The following GOLGA3 variants were observed in gnomAD, a reference collection of about 807,000 sequenced individuals.
GOLGA3 encodes the protein golgin subfamily A member 3.
GOLGA3 carries 75 observed loss-of-function variants against 169.4 expected under a neutral mutation model. The ratio of observed to expected loss-of-function variants is 0.44; its 90% CI spans 0.37 to 0.54. The LOEUF (loss-of-function observed/expected upper bound fraction) is 0.54. Ranked by LOEUF, GOLGA3 falls within the 20% of genes least tolerant of loss-of-function variation. The probability of loss-of-function intolerance (pLI) is 0.00; values close to 1 mark genes in which losing one functional copy is unlikely to be tolerated. For synonymous variants in GOLGA3, 824 were observed against 822.4 expected (o/e 1.00, Z -0.03); for missense variants, 1,899 against 1,930.0 (o/e 0.98, Z 0.30).
intron 6 of GOLGA3, among the ~76,000 whole-genome samples, 168 bp downstream of exon 6, chr12:132,807,009 T>C (rs527827185): frequency 6.6e-6 from 1 of 152,226 alleles, no homozygotes; most frequent in East Asian, 1.9e-4. Context: ...CAACTCTTTC[T>C]AAGGCTGACA....
At position 132,784,312 on chromosome 12, in the gene GOLGA3, G is replaced by C. The variant is rs1566081523; in HGVS notation, c.3124-5C>G. 6.2e-7 allele frequency: 1 copy of C among 1,602,680 alleles called. No homozygotes were observed. Among genetic ancestry groups the C allele is most frequent in the Non-Finnish European group, 8.5e-7 (1 of 1,177,450 alleles). On this transcript the variant is annotated splice_region_variant and splice_polypyrimidine_tract_variant and intron_variant, in intron 15 of 23. Coordinates refer to ENST00000450791, the MANE Select transcript of GOLGA3 (RefSeq NM_001389683.1). ...CTCCAGGGCCTGGATCCTTTCCTAA[G>C]GGCCAAGATGGAACGGGCGCTTGGT...
Position 132,786,537 on chromosome 12 carries a change from C to T in GOLGA3, c.2925G>A (p.Lys975=), listed in dbSNP as rs747852106. The change falls in exon 15 of 24, where the codon AAG becomes AAA. Residue 975 remains lysine, a synonymous_variant. Transcript: ENST00000450791. Reference sequence around the variant, plus strand: ...CTGAGCCCAGCCGCCTCATCTTCTGCTTCTGTTCCGTGATGGCCCTGGGGT... The same window carrying T: ...CTGAGCCCAGCCGCCTCATCTTCTGTTTCTGTTCCGTGATGGCCCTGGGGT... The part of the protein sequence containing the change: ...QEARKAITEQ[K]QKMRRLGSDL... 1 of 1,613,900 alleles carries T rather than the reference C, an allele frequency of 6.2e-7. No individual in the cohort carries two copies. The highest frequency in any genetic ancestry group is 8.5e-7 in the Non-Finnish European group (1 of 1,179,968).
intron 2 of GOLGA3, among the ~76,000 whole-genome samples, chr12:132,819,739 G>T (rs1950133802): frequency 6.6e-6 from 1 of 151,032 alleles, no homozygotes; most frequent in South Asian, 2.1e-4. Flanking sequence ...TTGCATTTCA[G>T]ATAAAAGTTA....
At chr12:132,821,776 C>T (rs1220028589) in intron 2 of GOLGA3, among the ~76,000 whole-genome samples, 1 of 146,134 alleles carries the variant, frequency 6.8e-6, no homozygotes, top group African/African-American at 2.5e-5. Flanking sequence ...ATGGCATGAA[C>T]CCGGGAGGCG....
intron 23 of GOLGA3, among the ~76,000 whole-genome samples, chr12:132,773,626 C>T (rs1027731355): frequency 4.6e-5 from 7 of 152,294 alleles, no homozygotes; most frequent in African/African-American, 1.7e-4. Flanking sequence ...GCCAGGTGCA[C>T]CATGTGTGGC....
intron 11 of GOLGA3, among the ~76,000 whole-genome samples, chr12:132,793,031 T>C (rs61951352): frequency 2.7e-5 from 2 of 73,516 alleles, no homozygotes; most frequent in Admixed American, 2.8e-4. Flanking sequence ...CTCGGAGGGC[T>C]CCACACAGAC....
intron 2 of GOLGA3, among the ~76,000 whole-genome samples, chr12:132,821,190 T>C (rs1270495151): frequency 1.3e-5 from 2 of 148,982 alleles, no homozygotes; most frequent in East Asian, 4.0e-4. Context: ...GCGGATCACC[T>C]GAGGTTGGGA....
At chr12:132,800,665 AT>A (rs1216274281) in intron 8 of GOLGA3, among the ~76,000 whole-genome samples, 5 of 152,214 alleles carry the variant, frequency 3.3e-5, no homozygotes, top group Non-Finnish European at 5.9e-5. Context: ...TCCACAGCTA[AT>A]TAAAAAATAA....
Position 132,810,889 on chromosome 12 carries a change from T to C in GOLGA3, c.520-2340A>G, listed in dbSNP as rs540214791. ...TGTGCTTCAGTGGTCACACTCCTAG[T>C]CTGCTTTCATGTTCCATCCTGTACA... On this transcript the variant is annotated intron_variant, in intron 4 of 23. Coordinates refer to ENST00000450791, the MANE Select transcript of GOLGA3 (RefSeq NM_001389683.1). Among the ~76,000 whole-genome samples the C allele has an allele frequency of 2.6e-5, 4 of 152,336 alleles. No individual in the cohort carries two copies. The South Asian group carries it at 8.3e-4, about 32-fold the overall frequency.
rs1471539138 is a variant in GOLGA3, at chr12:132,776,942, C to T, written c.3855+16G>A. On this transcript the variant is annotated intron_variant, in intron 20 of 23. Coordinates refer to ENST00000450791, the MANE Select transcript of GOLGA3 (RefSeq NM_001389683.1). ...GTGAGTCCAGCCCTGCAAGTCCAGC[C>T]CCCGTGAACCGTCACCTCTTGGTTT... The T allele has an allele frequency of 1.0e-5, 16 of 1,564,898 alleles. No homozygotes were observed. The highest frequency in any genetic ancestry group is 1.4e-5 in the Non-Finnish European group (16 of 1,155,408).
rs2045095444 is a variant in GOLGA3 at position 132,774,324 on chromosome 12, T to C, written c.4144-4A>G. 14 of 1,611,060 alleles carry C rather than the reference T, an allele frequency of 8.7e-6. No homozygotes were observed. Among genetic ancestry groups the C allele is most frequent in the Non-Finnish European group, 1.1e-5 (13 of 1,179,962 alleles). ...CCTCGCCTTTCGGCTCCTTTCTCTGTTTTTAAAAGCACATGATCAGCTTTC... is the reference window on the plus strand; with the variant it reads ...CCTCGCCTTTCGGCTCCTTTCTCTGCTTTTAAAAGCACATGATCAGCTTTC... On this transcript the variant is annotated splice_polypyrimidine_tract_variant and splice_region_variant and intron_variant, in intron 22 of 23. Coordinates refer to ENST00000450791, the MANE Select transcript of GOLGA3 (RefSeq NM_001389683.1).
chr12:132,783,676 C>G (rs1159418908), intron 16 of GOLGA3, among the ~76,000 whole-genome samples: 1 of 152,206 alleles, frequency 6.6e-6, no homozygotes, highest in Admixed American at 6.5e-5. Flanking sequence ...CTCCTGGGTT[C>G]AAGCGGTTTA....
intron 9 of GOLGA3, among the ~76,000 whole-genome samples, chr12:132,797,183 A>G (rs1199067925): frequency 1.3e-5 from 2 of 152,198 alleles, no homozygotes; most frequent in African/African-American, 4.8e-5. Flanking sequence ...GGCTGACGCA[A>G]CGTGATTCTT....
At chr12:132,827,505 G>A (rs1206729056) in intron 1 of GOLGA3, 1 of 152,226 alleles carries the variant, frequency 6.6e-6, no homozygotes, top group Non-Finnish European at 1.5e-5. Context: ...ACAAGGCACA[G>A]AGTCTGTCCC....
chr12:132,826,665 A>G (rs1367609518), intron 1 of GOLGA3, among the ~76,000 whole-genome samples: 1 of 152,162 alleles, frequency 6.6e-6, no homozygotes, highest in Non-Finnish European at 1.5e-5. Context: ...CTGAAGCCGG[A>G]CCAGAGAGAG....
At chr12:132,808,593 A>T (rs1949541935) in intron 4 of GOLGA3, 44 bp from the exon 5 acceptor site, 2 of 1,474,212 alleles carry the variant, frequency 1.4e-6, no homozygotes, top group Admixed American at 4.1e-5. Flanking sequence ...TAAAATCCAC[A>T]AGCAGCATAC....
At chr12:132,790,606 C>T (rs2046174702) in intron 12 of GOLGA3, among the ~76,000 whole-genome samples, 1 of 152,162 alleles carries the variant, frequency 6.6e-6, no homozygotes, top group South Asian at 2.1e-4. Context: ...GTTAACAACA[C>T]TGCACAACAC....
intron 7 of GOLGA3, among the ~76,000 whole-genome samples, chr12:132,802,280 G>C (rs1420105812): frequency 1.3e-5 from 2 of 151,938 alleles, no homozygotes; most frequent in Admixed American, 1.3e-4. Context: ...ACATAGCGTC[G>C]ATTCATTCAC....
At position 132,786,846 on chromosome 12, in the gene GOLGA3, T is replaced by C. The variant is rs998973217; in HGVS notation, c.2812-59A>G. ...CTGCCACCCCCAGCCTGTCTCCCCT[T>C]CCTGGCTCCAGCCCATCACCCCCAC... is the stretch of plus-strand genomic sequence containing the variant. On this transcript the variant is annotated intron_variant, in intron 13 of 23. Transcript: ENST00000450791. 217 of 1,189,382 alleles carry C rather than the reference T, an allele frequency of 1.8e-4. 1 individual carries two copies. In the East Asian group the frequency reaches 5.0e-3, roughly 28 times the overall value. The allele number at this position is 1,189,382 out of a possible 1,614,324, so 73.7% of individuals were successfully genotyped here.
Sources: allele counts gnomAD v4.1 joint callset (sites outside exome capture counted in the v4.1 genomes callset), GRCh38; gene constraint gnomAD v4.1.1; transcripts MANE v1.5; gene names NCBI Gene and HGNC (gene_info 2026-07-23, HGNC 2026-07-21).